Variants in HSD17B6 observed in about 807,000 individuals in gnomAD.
HSD17B6 encodes hydroxysteroid 17-beta dehydrogenase 6.
HSD17B6 carries 16 observed loss-of-function variants against 26.4 expected under a neutral mutation model. The ratio of observed to expected loss-of-function variants is 0.61; its 90% CI spans 0.41 to 0.92. HSD17B6 has a LOEUF of 0.92. Among genes scored for constraint, HSD17B6 ranks in the 40% least tolerant of loss-of-function variants. The pLI is 0.00. For missense variants in HSD17B6, 357 were observed against 386.1 expected, an observed-to-expected ratio of 0.92 and a Z score of 0.63; for synonymous variants, 139 against 153.0, an observed-to-expected ratio of 0.91 and a Z score of 0.68.
In HSD17B6 at chr12:56,773,956, C is replaced by T. The variant is rs375598170; in HGVS notation, c.104C>T (p.Thr35Met). 8.9e-5 allele frequency: 143 copies of T among 1,614,098 alleles called. No individual in the cohort carries two copies. The East Asian group carries it at 9.6e-4, about 11-fold the overall frequency. ...SHLQDKYVFI[T>M]GCDSGFGNLL... is the part of the protein sequence containing the mutation. The stretch of plus-strand genomic sequence containing the variant: ...CTCCAAGACAAGTATGTCTTTATCA[C>T]GGGCTGTGACTCGGGCTTTGGGAAC... Residue 35 changes from threonine to methionine, a missense_variant, in exon 2 of 5, where the codon ACG becomes ATG. By Grantham distance (81) the Thr-to-Met change is moderately conservative. Coordinates refer to ENST00000322165, the MANE Select transcript of HSD17B6 (RefSeq NM_003725.4).
intron 1 of HSD17B6, among the ~76,000 whole-genome samples, chr12:56,772,003 T>C (rs764939692): frequency 6.6e-6 from 1 of 152,140 alleles, no homozygotes; most frequent in South Asian, 2.1e-4. Flanking sequence ...TCTACCATGA[T>C]TGTAATTTTC....
chr12:56,764,409 C>T (rs1409197389), intron 1 of HSD17B6, among the ~76,000 whole-genome samples: 6 of 151,996 alleles, frequency 3.9e-5, no homozygotes, highest in Admixed American at 2.0e-4. Flanking sequence ...CGAGCATGGC[C>T]CAAAATAGTG....
chr12:56,767,612 AT>A (rs1467048650), intron 1 of HSD17B6, among the ~76,000 whole-genome samples: 2 of 113,656 alleles, frequency 1.8e-5, no homozygotes, highest in Non-Finnish European at 3.6e-5. Context: ...ACATACATAT[AT>A]TAATATATAA....
chr12:56,787,299 A>G lies in HSD17B6; in HGVS notation c.911A>G (p.Tyr304Cys), dbSNP rs1264642989. 1.2e-6 allele frequency: 2 copies of G among 1,614,152 alleles called. No homozygotes were observed. Among genetic ancestry groups the G allele is most frequent in the Admixed American group, 1.7e-5 (1 of 60,006 alleles). ...TATTTACCTACATCACTGGCAGACT[A>G]CATTTTGACTAGATCTTGGCCCAAA... ...LSYLPTSLAD[Y>C]ILTRSWPKPA... Residue 304 changes from tyrosine to cysteine, a missense_variant, in exon 5 of 5, where the codon TAC becomes TGC. Physicochemically the swap from Tyr to Cys is radical, Grantham distance 194. Coordinates refer to ENST00000322165, the MANE Select transcript of HSD17B6 (RefSeq NM_003725.4).
intron 2 of HSD17B6, among the ~76,000 whole-genome samples, chr12:56,776,839 G>A (rs1191695244): frequency 1.3e-5 from 2 of 152,036 alleles, no homozygotes; most frequent in East Asian, 1.9e-4. Flanking sequence ...TCTTTTTCTC[G>A]CTGCATAGTA....
intron 4 of HSD17B6, among the ~76,000 whole-genome samples, chr12:56,785,475 T>C (rs529172421): frequency 6.6e-6 from 1 of 152,276 alleles, no homozygotes; most frequent in South Asian, 2.1e-4. Context: ...AGGACAAAGC[T>C]CCTTAAATAA....
In HSD17B6 at chr12:56,765,811, G is replaced by C. The variant is rs979411296; in HGVS notation, c.-20+2397G>C. On this transcript the variant is annotated intron_variant, in intron 1 of 4. Coordinates refer to ENST00000322165, the MANE Select transcript of HSD17B6 (RefSeq NM_003725.4). ...TGTGAGCCACTGTGCCCAGCCTCAT[G>C]ATTCTATACTATCCACAAAATCAGG... Among the ~76,000 whole-genome samples the C allele has an allele frequency of 2.0e-5, 3 of 152,030 alleles. No individual in the cohort carries two copies. In the South Asian group the frequency reaches 6.2e-4, roughly 32 times the overall value.
chr12:56,774,858 G>A (rs985808610), intron 2 of HSD17B6, among the ~76,000 whole-genome samples: 7 of 152,262 alleles, frequency 4.6e-5, no homozygotes, highest in Non-Finnish European at 8.8e-5. Context: ...TGTAAATACA[G>A]ATGAAGCTTT....
At chr12:56,780,059 T>C (rs553637564) in intron 2 of HSD17B6, among the ~76,000 whole-genome samples, 96 of 152,356 alleles carry the variant, frequency 6.3e-4, no homozygotes, top group African/African-American at 2.2e-3. Context: ...GTTCATGTCT[T>C]GATAAGTCAG....
chr12:56,765,860 G>C (rs1217079589), intron 1 of HSD17B6, among the ~76,000 whole-genome samples: 1 of 152,146 alleles, frequency 6.6e-6, no homozygotes, highest in Non-Finnish European at 1.5e-5. Flanking sequence ...AGCTCATGCA[G>C]AGAGGTTCTT....
chr12:56,766,546 G>A (rs569270785), intron 1 of HSD17B6, among the ~76,000 whole-genome samples: 4 of 152,318 alleles, frequency 2.6e-5, no homozygotes, highest in African/African-American at 9.6e-5. Context: ...AGAAAGAGGA[G>A]GGGGAGAAAA....
chr12:56,784,458 C>G (rs28564526), intron 3 of HSD17B6, among the ~76,000 whole-genome samples: 33,413 of 152,174 alleles, frequency 0.22, 4,279 homozygotes, highest in Middle Eastern at 0.3. Flanking sequence ...GCGGATCACT[C>G]GCGGTTAGGA....
At chr12:56,776,318 T>TTC (rs1954592256) in intron 2 of HSD17B6, among the ~76,000 whole-genome samples, 1 of 150,322 alleles carries the variant, frequency 6.7e-6, no homozygotes. Context: ...TTTTTTTTTT[T>TTC]TTTTGAGACA....
intron 1 of HSD17B6, among the ~76,000 whole-genome samples, chr12:56,765,265 TC>T (rs1426321904): frequency 9.2e-5 from 14 of 151,932 alleles, no homozygotes; most frequent in Admixed American, 9.2e-4. Context: ...TAAAACCTTG[TC>T]TTTACTAAAA....
At chr12:56,780,840 C>CAAAAA (rs59227954) in intron 2 of HSD17B6, among the ~76,000 whole-genome samples, 2 of 64,124 alleles carry the variant, frequency 3.1e-5, no homozygotes. Flanking sequence ...GACTCCGTCT[C>CAAAAA]AAAAAAAAAA....
chr12:56,764,068 C>CAAAAAAAAAAAAAAAAAAAGAAAA (rs1954266425), intron 1 of HSD17B6, among the ~76,000 whole-genome samples: 1 of 74,342 alleles, frequency 1.3e-5, no homozygotes. Flanking sequence ...GACCGTGTCT[C>CAAAAAAAAAAAAAAAAAAAGAAAA]AAAAAAAAAA....
intron 1 of HSD17B6, among the ~76,000 whole-genome samples, chr12:56,764,068 C>CAAAAAAAAAAAAA (rs71081400): frequency 3.6e-4 from 27 of 74,292 alleles, no homozygotes; most frequent in Non-Finnish European, 3.9e-4. Context: ...GACCGTGTCT[C>CAAAAAAAAAAAAA]AAAAAAAAAA....
chr12:56,764,510 C>G (rs910324962), intron 1 of HSD17B6, among the ~76,000 whole-genome samples: 2 of 152,170 alleles, frequency 1.3e-5, no homozygotes, highest in Admixed American at 1.3e-4. Flanking sequence ...CCAGATAATG[C>G]ACATTCCCAT....
Position 56,782,023 on chromosome 12 carries a change from A to T in HSD17B6, c.363A>T (p.Leu121Phe), listed in dbSNP as rs1954725957. 1 of 1,614,030 alleles carries T rather than the reference A, an allele frequency of 6.2e-7. No individual in the cohort carries two copies. The change falls in exon 3 of 5, where the codon TTA becomes TTT. Residue 121 changes from leucine (L) to phenylalanine (F), a missense_variant. Coordinates refer to ENST00000322165, the MANE Select transcript of HSD17B6 (RefSeq NM_003725.4). Reference sequence around the variant, plus strand: ...CAGGCATTCTTACACCAATTACCTTATGTGAGTGGCTGAACACTGAGGACT... The same window carrying T: ...CAGGCATTCTTACACCAATTACCTTTTGTGAGTGGCTGAACACTGAGGACT... ...NNAGILTPIT[L>F]CEWLNTEDSM...
Sources: allele counts gnomAD v4.1 joint callset (sites outside exome capture counted in the v4.1 genomes callset), GRCh38; gene constraint gnomAD v4.1.1; transcripts MANE v1.5; gene names NCBI Gene and HGNC (gene_info 2026-07-23, HGNC 2026-07-21).